Variants in CSMD3 observed in about 807,000 individuals in gnomAD.
The protein encoded by CSMD3 is CUB and sushi domain-containing protein 3.
In CSMD3, 177 loss-of-function variants were observed where a neutral mutation model predicts 435.2. That is an observed-to-expected ratio of 0.41 (90% CI 0.36 to 0.46). The LOEUF is 0.46. Ranked by LOEUF, CSMD3 falls within the 20% of genes least tolerant of loss-of-function variation. The pLI is 0.34. For missense variants in CSMD3, 4,265 were observed against 4,504.6 expected (o/e 0.95, Z 1.52); for synonymous variants, 1,656 against 1,520.5 (o/e 1.09, Z -2.07).
At chr8:113,141,917 C>CA (rs1445344051) in intron 4 of CSMD3, among the ~76,000 whole-genome samples, 1 of 150,998 alleles carries the variant, frequency 6.6e-6, no homozygotes, top group Non-Finnish European at 1.5e-5. Flanking sequence ...CCTAGTACTT[C>CA]AGCAGGGTCT....
At chr8:112,808,199 A>G (rs943136019) in intron 12 of CSMD3, among the ~76,000 whole-genome samples, 2 of 152,144 alleles carry the variant, frequency 1.3e-5, no homozygotes, top group African/African-American at 4.8e-5. Context: ...TATTTTGTCT[A>G]GTTATAGTAT....
At position 113,140,239 on chromosome 8, in the gene CSMD3, C is replaced by T. The variant is rs1163360009; in HGVS notation, c.709+33483G>A. 2.2e-4 allele frequency among the ~76,000 whole-genome samples: 33 copies of T among 150,310 alleles called. 1 individual carries two copies. The highest frequency in any genetic ancestry group is 1.9e-3 in the Admixed American group (28 of 14,988). ...GTGTATGCACCAAAAAACAATGCTG[C>T]AAATTTTTTTGTGTGTAAAGCAAAA... On this transcript the variant is annotated intron_variant, in intron 4 of 70. Transcript: ENST00000297405.
chr8:113,291,922 CTTCTACTTACTTCTAAGTAGAAG>C (rs561669416), intron 2 of CSMD3, among the ~76,000 whole-genome samples: 1 of 151,890 alleles, frequency 6.6e-6, no homozygotes, highest in South Asian at 2.1e-4. Context: ...CAAGGTTCTA[CTTCTACTTACTTCTAAGTAGAAG>C]TTCTACTTAC....
At chr8:112,819,238 G>T (rs2079462022) in intron 12 of CSMD3, among the ~76,000 whole-genome samples, 1 of 152,158 alleles carries the variant, frequency 6.6e-6, no homozygotes, top group South Asian at 2.1e-4. Context: ...GAGAGGAAAT[G>T]AAAGGCTGTT....
At chr8:112,782,997 T>C (rs1253164903) in intron 13 of CSMD3, among the ~76,000 whole-genome samples, 1 of 151,996 alleles carries the variant, frequency 6.6e-6, no homozygotes, top group Non-Finnish European at 1.5e-5. Flanking sequence ...AGCATTTATA[T>C]AAAGGTAAGA....
At chr8:112,245,801 G>C (rs1352385313) in intron 64 of CSMD3, among the ~76,000 whole-genome samples, 1 of 152,186 alleles carries the variant, frequency 6.6e-6, no homozygotes, top group Non-Finnish European at 1.5e-5. Flanking sequence ...GCCTCCCAAA[G>C]TGCTAGGATT....
chr8:113,432,870 C>G (rs781314387), intron 1 of CSMD3, among the ~76,000 whole-genome samples: 4 of 152,202 alleles, frequency 2.6e-5, no homozygotes, highest in Non-Finnish European at 5.9e-5. Flanking sequence ...AGGACACACT[C>G]ACACCCACCC....
At chr8:112,510,068 T>G (rs1822945095) in intron 28 of CSMD3, among the ~76,000 whole-genome samples, 1 of 152,114 alleles carries the variant, frequency 6.6e-6, no homozygotes, top group African/African-American at 2.4e-5. Flanking sequence ...TTTCACTGCA[T>G]CCTTATATCC....
chr8:113,013,962 G>A (rs953534701), intron 6 of CSMD3, among the ~76,000 whole-genome samples: 1 of 152,110 alleles, frequency 6.6e-6, no homozygotes, highest in Non-Finnish European at 1.5e-5. Context: ...CCACATTTGT[G>A]TTACTTCTGC....
intron 5 of CSMD3, among the ~76,000 whole-genome samples, chr8:113,078,139 G>A (rs1384635843): frequency 6.6e-6 from 1 of 152,076 alleles, no homozygotes; most frequent in East Asian, 1.9e-4. Flanking sequence ...AGTCACACAG[G>A]CTGTGTACTG....
intron 20 of CSMD3, among the ~76,000 whole-genome samples, chr8:112,641,546 G>A (rs746496793): frequency 3.9e-5 from 6 of 152,038 alleles, no homozygotes; most frequent in Non-Finnish European, 8.8e-5. Flanking sequence ...ACCTTCAAAT[G>A]TAATGACAAT....
intron 13 of CSMD3, among the ~76,000 whole-genome samples, chr8:112,721,366 G>A (rs1418033893): frequency 1.3e-5 from 2 of 152,072 alleles, no homozygotes; most frequent in Admixed American, 1.3e-4. Flanking sequence ...CCTGAGGTCA[G>A]GAGTTTCAAA....
intron 3 of CSMD3, among the ~76,000 whole-genome samples, chr8:113,209,286 A>C (rs1317839348): frequency 6.6e-6 from 1 of 152,124 alleles, no homozygotes; most frequent in Non-Finnish European, 1.5e-5. Flanking sequence ...TTGGCCTCTA[A>C]AAGGTTGTAA....
intron 10 of CSMD3, among the ~76,000 whole-genome samples, chr8:112,899,632 T>C (rs1446803674): frequency 3.7e-5 from 3 of 80,608 alleles, no homozygotes; most frequent in South Asian, 4.0e-4. Context: ...TATATATATA[T>C]GTATATACAT....
intron 22 of CSMD3, among the ~76,000 whole-genome samples, chr8:112,590,681 A>G (rs1354714726): frequency 6.6e-6 from 1 of 152,122 alleles, no homozygotes; most frequent in Non-Finnish European, 1.5e-5. Flanking sequence ...TGTTGGTTGC[A>G]GAATTTGAAG....
At position 112,304,715 on chromosome 8, in the gene CSMD3, A is replaced by G. The variant is rs769408456; in HGVS notation, c.8266+6T>C. 6.2e-7 allele frequency: 1 copy of G among 1,605,498 alleles called. No homozygotes were observed. Among genetic ancestry groups the G allele is most frequent in the South Asian group, 1.1e-5 (1 of 90,906 alleles). On this transcript the variant is annotated splice_donor_region_variant and intron_variant, in intron 52 of 70. Coordinates refer to ENST00000297405, the MANE Select transcript of CSMD3 (RefSeq NM_198123.2). ...ATGAAATAAGTTTAGCAGAGTGTAT[A>G]CTTACTTTGGCAATATGGTCTTTCA... is the stretch of plus-strand genomic sequence containing the variant.
chr8:112,832,941 C>G (rs1217990383), intron 11 of CSMD3, among the ~76,000 whole-genome samples: 1 of 152,090 alleles, frequency 6.6e-6, no homozygotes, highest in Non-Finnish European at 1.5e-5. Context: ...CAATGATCAG[C>G]AAACCCTAAA....
intron 1 of CSMD3, among the ~76,000 whole-genome samples, chr8:113,384,842 T>A (rs1404714004): frequency 6.6e-6 from 1 of 152,106 alleles, no homozygotes; most frequent in Non-Finnish European, 1.5e-5. Context: ...CAGTGGAAAG[T>A]CACCTGACAA....
chr8:112,425,469 A>G (rs1248787322), intron 32 of CSMD3, among the ~76,000 whole-genome samples: 1 of 152,180 alleles, frequency 6.6e-6, no homozygotes. Context: ...CTTATCTGTG[A>G]GGAGTTTAAT....
Sources: allele counts gnomAD v4.1 joint callset (sites outside exome capture counted in the v4.1 genomes callset), GRCh38; gene constraint gnomAD v4.1.1; transcripts MANE v1.5; gene names NCBI Gene and HGNC (gene_info 2026-07-23, HGNC 2026-07-21).